RBPJ: variants seen among roughly 807,000 people sequenced by gnomAD.
RBPJ encodes the protein recombining binding protein suppressor of hairless.
In RBPJ, 9 loss-of-function variants were observed where a neutral mutation model predicts 67.8. The ratio of observed to expected loss-of-function variants is 0.13; its 90% CI spans 0.08 to 0.23. The LOEUF is 0.23. Among genes scored for constraint, RBPJ ranks in the 10% least tolerant of loss-of-function variants. The probability of loss-of-function intolerance (pLI) is 1.00; values close to 1 mark genes in which losing one functional copy is unlikely to be tolerated. For synonymous variants in RBPJ, 198 were observed against 203.3 expected (o/e 0.97, Z 0.22); for missense variants, 305 against 595.6 (o/e 0.51, Z 5.08).
At chr4:26,321,172 C>T (rs1425886688) in intron 1 of RBPJ, 124 bp downstream of exon 1, 17 of 373,092 alleles carry the variant, frequency 4.6e-5, no homozygotes, top group Non-Finnish European at 6.9e-5. Context: ...GGGGCGGCGT[C>T]GCGTGCGCCG....
chr4:26,244,133 A>G lies in RBPJ; in HGVS notation c.-167+80519A>G, dbSNP rs72491301. Among the ~76,000 whole-genome samples, 480 of 145,262 alleles carry G rather than the reference A, an allele frequency of 3.3e-3. 16 individuals carry two copies. The East Asian group carries it at 0.085, about 26-fold the overall frequency. On this transcript the variant is annotated intron_variant, in intron 1 of 4. Transcript: ENST00000512351. ...AGAAGAAAAAGAAACTTTAAAATGT[A>G]TATATATATGTGTACACATATATGT...
chr4:26,249,989 T>C (rs887180131), intron 1 of RBPJ, among the ~76,000 whole-genome samples: 4 of 151,738 alleles, frequency 2.6e-5, no homozygotes, highest in African/African-American at 9.7e-5. Flanking sequence ...TTTCTCCATG[T>C]TGGTCAGCCT....
chr4:26,255,557 C>T (rs1388437252), intron 1 of RBPJ, among the ~76,000 whole-genome samples: 3 of 150,752 alleles, frequency 2.0e-5, no homozygotes, highest in African/African-American at 7.3e-5. Flanking sequence ...AATCCCAGCA[C>T]TTTGGGAGGC....
At chr4:26,294,830 C>A (rs747733647) in intron 1 of RBPJ, among the ~76,000 whole-genome samples, 1 of 151,170 alleles carries the variant, frequency 6.6e-6, no homozygotes, top group Non-Finnish European at 1.5e-5. Context: ...GAGCTGAGAT[C>A]GCGCCATTGC....
intron 1 of RBPJ, chr4:26,343,306 G>T (rs1725742943): frequency 6.6e-6 from 1 of 152,100 alleles, no homozygotes; most frequent in African/African-American, 2.4e-5. Flanking sequence ...ATATTATTTG[G>T]ATATGTGGGC....
At chr4:26,224,843 C>T in intron 1 of RBPJ, among the ~76,000 whole-genome samples, 1 of 152,182 alleles carries the variant, frequency 6.6e-6, no homozygotes, top group East Asian at 1.9e-4. Flanking sequence ...GCTTTAGAAG[C>T]CTGGCTATAG....
At chr4:26,131,595 T>C in the RBPJ span, among the ~76,000 whole-genome samples, 2 of 152,184 alleles carry the variant, frequency 1.3e-5, no homozygotes, top group African/African-American at 4.8e-5. Context: ...AAAAGTGTCT[T>C]TGCAGATATG....
chr4:26,349,138 G>T (rs895250143), intron 1 of RBPJ, among the ~76,000 whole-genome samples: 2 of 152,126 alleles, frequency 1.3e-5, no homozygotes, highest in Non-Finnish European at 2.9e-5. Flanking sequence ...CGTTCTCACA[G>T]CTCACTGCAG....
chr4:26,119,860 C>G, the RBPJ span, among the ~76,000 whole-genome samples: 1 of 152,296 alleles, frequency 6.6e-6, no homozygotes, highest in Admixed American at 6.5e-5. Context: ...TACAAGAACC[C>G]TTTCCTTCAT....
At chr4:26,121,195 A>G in the RBPJ span, among the ~76,000 whole-genome samples, 63 of 152,294 alleles carry the variant, frequency 4.1e-4, 2 homozygotes, top group East Asian at 0.012. Context: ...GGGCAGAAGC[A>G]AATATTTAAT....
chr4:26,311,367 T>G (rs1441109585), intron 1 of RBPJ, among the ~76,000 whole-genome samples: 1 of 151,968 alleles, frequency 6.6e-6, no homozygotes. Context: ...TCAATTCCTA[T>G]CTCTACTAAA....
At chr4:26,429,864 T>C (rs1045416157) in intron 8 of RBPJ, 34 bp from the exon 9 acceptor site, 1 of 1,589,306 alleles carries the variant, frequency 6.3e-7, no homozygotes, top group Non-Finnish European at 8.6e-7. Flanking sequence ...ACAAACTGTA[T>C]AAAACTTAGT....
rs115974070 is a variant in RBPJ at position 26,256,119 on chromosome 4, C to G, written c.-167+92505C>G. On this transcript the variant is annotated intron_variant, in intron 1 of 4. Transcript: ENST00000512351. ...AGATATTTTATGCATAAACATAGAA[C>G]TCTCAAAGATATATGGTCTCTAGAC... 4.8e-3 allele frequency among the ~76,000 whole-genome samples: 727 copies of G among 152,138 alleles called. 4 individuals carry two copies. Among genetic ancestry groups the G allele is most frequent in the African/African-American group, 0.017 (699 of 41,486 alleles).
intron 1 of RBPJ, among the ~76,000 whole-genome samples, chr4:26,258,907 G>A (rs779615672): frequency 2.0e-5 from 3 of 151,930 alleles, no homozygotes; most frequent in African/African-American, 4.8e-5. Context: ...GGGTTCAAGC[G>A]ATTCTCCTGT....
At chr4:26,176,735 G>GT (rs1193945551) in intron 1 of RBPJ, among the ~76,000 whole-genome samples, 3 of 152,212 alleles carry the variant, frequency 2.0e-5, no homozygotes, top group Non-Finnish European at 4.4e-5. Flanking sequence ...CATTACATTC[G>GT]TTTAACACAA....
intron 1 of RBPJ, among the ~76,000 whole-genome samples, chr4:26,322,674 T>C (rs955131350): frequency 1.7e-4 from 25 of 150,512 alleles, no homozygotes; most frequent in African/African-American, 3.9e-4. Context: ...TATATATATA[T>C]ACACACACAC....
the RBPJ span, among the ~76,000 whole-genome samples, chr4:26,141,883 TC>T: frequency 6.6e-6 from 1 of 151,934 alleles, no homozygotes; most frequent in African/African-American, 2.4e-5. Context: ...CAGAGCCCCT[TC>T]CCCCAAAAGA....
chr4:26,323,368 GATA>G (rs1723288349), intron 1 of RBPJ, among the ~76,000 whole-genome samples: 1 of 152,164 alleles, frequency 6.6e-6, no homozygotes, highest in African/African-American at 2.4e-5. Flanking sequence ...ACACAGACAT[GATA>G]AAAGCGCTTT....
At chr4:26,313,461 A>G (rs1260202331) in intron 1 of RBPJ, among the ~76,000 whole-genome samples, 1 of 152,024 alleles carries the variant, frequency 6.6e-6, no homozygotes, top group Non-Finnish European at 1.5e-5. Flanking sequence ...AGGTCAGGAG[A>G]TCGAGACCAT....
Sources: allele counts gnomAD v4.1 joint callset (sites outside exome capture counted in the v4.1 genomes callset), GRCh38; gene constraint gnomAD v4.1.1; transcripts MANE v1.5; gene names NCBI Gene and HGNC (gene_info 2026-07-23, HGNC 2026-07-21).